The following RPS6KA6 variants were observed in gnomAD, a reference collection of about 807,000 sequenced individuals.
The protein encoded by RPS6KA6 is ribosomal protein S6 kinase A6, also known as ribosomal protein S6 kinase alpha-6.
In RPS6KA6, 27 loss-of-function variants were observed where a neutral mutation model predicts 65.4. That is an observed-to-expected ratio of 0.41 (90% CI 0.30 to 0.57). The LOEUF (loss-of-function observed/expected upper bound fraction) is 0.57. RPS6KA6 is among the 20% of genes least tolerant of loss of function. The probability of loss-of-function intolerance (pLI) is 0.24; values close to 1 mark genes in which losing one functional copy is unlikely to be tolerated. For synonymous variants in RPS6KA6, 190 were observed against 184.2 expected (o/e 1.03, Z -0.26); for missense variants, 486 against 555.6 (o/e 0.87, Z 1.26).
In RPS6KA6 at chrX:84,063,970, GA is replaced by G. The variant is rs914382674; in HGVS notation, c.*306del. 16 of 180,726 alleles carry G rather than the reference GA, an allele frequency of 8.9e-5. No individual in the cohort carries two copies. The highest frequency in any genetic ancestry group is 1.3e-4 in the Non-Finnish European group (13 of 98,403). 14.9% of individuals were successfully genotyped at this position (180,726 alleles called of 1,213,427 possible). On this transcript the variant is annotated 3_prime_UTR_variant, in exon 22 of 22. Coordinates refer to ENST00000262752, the MANE Select transcript of RPS6KA6 (RefSeq NM_014496.5). ...CCCAAACCATAATTGTATGAAACAA[GA>G]AAAAAAATATTAAAGTAACTTTATT...
Position 84,135,109 on chromosome X carries a change from T to C in RPS6KA6, c.603A>G (p.Pro201=). Reference sequence around the variant, plus strand: ...ACAAAAGAATACAGCTTTACTTTTCTGGCTTCAGGTCTCTATAAACAATTC... The same window carrying C: ...ACAAAAGAATACAGCTTTACTTTTCCGGCTTCAGGTCTCTATAAACAATTC... ...QLGIVYRDLK[P]ENILLDEIGH... is the part of the protein sequence containing the mutation. Residue 201 remains proline, a synonymous_variant, in exon 7 of 22, where the codon CCA becomes CCG. Transcript: ENST00000262752. The C allele has an allele frequency of 8.4e-7, 1 of 1,187,720 alleles. No homozygotes were observed. Among genetic ancestry groups the C allele is most frequent in the East Asian group, 3.0e-5 (1 of 33,550 alleles).
chrX:84,120,694 T>C (rs2034655728), intron 8 of RPS6KA6, among the ~76,000 whole-genome samples: 1 of 111,792 alleles, frequency 8.9e-6, no homozygotes, highest in Non-Finnish European at 1.9e-5. Flanking sequence ...ACCATGTTCA[T>C]GAATTGGACG....
At chrX:84,139,927 G>A (rs775817845) in intron 6 of RPS6KA6, among the ~76,000 whole-genome samples, 3 of 111,862 alleles carry the variant, frequency 2.7e-5, no homozygotes, top group Non-Finnish European at 1.9e-5. Context: ...GCTAAGTCAG[G>A]TGGAGCCTGA....
chrX:84,091,991 T>C (rs1376982388), intron 20 of RPS6KA6, among the ~76,000 whole-genome samples: 1 of 110,568 alleles, frequency 9.0e-6, no homozygotes, highest in Admixed American at 9.7e-5. Flanking sequence ...TGAGAACACA[T>C]GGACACAGGG....
chrX:84,157,745 A>G (rs958412285), intron 2 of RPS6KA6, among the ~76,000 whole-genome samples: 19 of 111,035 alleles, frequency 1.7e-4, no homozygotes, highest in Non-Finnish European at 3.2e-4. Flanking sequence ...TTAGATTATC[A>G]CTATAAGTAT....
At position 84,091,061 on chromosome X, in the gene RPS6KA6, T is replaced by G. The variant is rs746137061; in HGVS notation, c.1971+5133A>C. The stretch of plus-strand genomic sequence containing the variant: ...CTCTGCCACTCATTAATGTGTAAGT[T>G]AAATTCTATATGCCTTGGTTTATTT... On this transcript the variant is annotated intron_variant, in intron 20 of 21. Transcript: ENST00000262752. Among the ~76,000 whole-genome samples, 13 of 112,149 alleles carry G rather than the reference T, an allele frequency of 1.2e-4. 1 individual carries two copies. Among genetic ancestry groups the G allele is most frequent in the Non-Finnish European group, 2.3e-4 (12 of 53,209 alleles).
chrX:84,178,082 C>T (rs1159876678), intron 1 of RPS6KA6, among the ~76,000 whole-genome samples: 1 of 111,795 alleles, frequency 8.9e-6, no homozygotes, highest in African/African-American at 3.3e-5. Flanking sequence ...CATAAGCCAC[C>T]GTGCCAAGCC....
chrX:84,078,390 T>A (rs2033706072), intron 20 of RPS6KA6, among the ~76,000 whole-genome samples: 1 of 111,521 alleles, frequency 9.0e-6, no homozygotes, highest in Non-Finnish European at 1.9e-5. Context: ...GTAAAACAAT[T>A]GAGTGGTTTC....
chrX:84,123,994 T>G (rs1298406818), intron 8 of RPS6KA6, among the ~76,000 whole-genome samples: 1 of 111,001 alleles, frequency 9.0e-6, no homozygotes, highest in Non-Finnish European at 1.9e-5. Context: ...AGCACAGAGA[T>G]AGACTCCATT....
At chrX:84,163,238 T>C (rs992156439) in intron 2 of RPS6KA6, among the ~76,000 whole-genome samples, 1 of 112,395 alleles carries the variant, frequency 8.9e-6, no homozygotes, top group African/African-American at 3.2e-5. Flanking sequence ...ATTCTGCTAC[T>C]AGCTACTTTT....
chrX:84,132,284 G>A (rs965285854), intron 8 of RPS6KA6, among the ~76,000 whole-genome samples: 2 of 110,451 alleles, frequency 1.8e-5, no homozygotes, highest in African/African-American at 6.6e-5. Flanking sequence ...GCTGGGTGTG[G>A]TGGCATGTTC....
At chrX:84,065,744 A>G (rs1472238097) in intron 20 of RPS6KA6, among the ~76,000 whole-genome samples, 5 of 112,254 alleles carry the variant, frequency 4.5e-5, no homozygotes, top group Non-Finnish European at 9.4e-5. Flanking sequence ...AAGAGATGTA[A>G]TACTTTTAAA....
At chrX:84,094,308 GAAAAAAA>G (rs144397619) in intron 20 of RPS6KA6, among the ~76,000 whole-genome samples, 3 of 68,515 alleles carry the variant, frequency 4.4e-5, no homozygotes, top group African/African-American at 1.1e-4. Context: ...GCCTTAAAGG[GAAAAAAA>G]AAAAAAAAAA....
chrX:84,091,413 G>A (rs868023071), intron 20 of RPS6KA6, among the ~76,000 whole-genome samples: 10 of 112,318 alleles, frequency 8.9e-5, no homozygotes, highest in African/African-American at 2.9e-4. Context: ...GTTATTTAAG[G>A]CTTCCTAAGT....
At chrX:84,087,035 GTC>G (rs928384915) in intron 20 of RPS6KA6, among the ~76,000 whole-genome samples, 7 of 110,724 alleles carry the variant, frequency 6.3e-5, no homozygotes, top group Non-Finnish European at 1.3e-4. Flanking sequence ...TTTATTCTGC[GTC>G]TCTGTGTGTC....
At chrX:84,147,108 T>C in intron 4 of RPS6KA6, 50 bp from the exon 5 acceptor site, 1 of 678,895 alleles carries the variant, frequency 1.5e-6, no homozygotes. Context: ...ATCATTTCAG[T>C]TAAGAGTCCA....
In RPS6KA6 at chrX:84,058,638, T is replaced by C. The variant is rs1403307012; in HGVS notation, c.*5639A>G. 9.0e-6 allele frequency: 1 copy of C among 111,717 alleles called. No homozygotes were observed. Among genetic ancestry groups the C allele is most frequent in the Non-Finnish European group, 1.9e-5 (1 of 53,158 alleles). 9.2% of individuals were successfully genotyped at this position (111,717 alleles called of 1,213,427 possible). ...ACCAATGGTTTAAAGAAAACATTAA[T>C]AAAATAAATGGTAACATAAAATTCA... On this transcript the variant is annotated 3_prime_UTR_variant, in exon 22 of 22. Transcript: ENST00000262752.
chrX:84,097,739 C>A, intron 19 of RPS6KA6, 33 bp downstream of exon 19: 1 of 907,512 alleles, frequency 1.1e-6, no homozygotes, highest in Non-Finnish European at 1.6e-6. Flanking sequence ...ATTCAAATAA[C>A]AATGTTAATG....
At chrX:84,072,480 G>T (rs1297584754) in intron 20 of RPS6KA6, among the ~76,000 whole-genome samples, 2 of 111,620 alleles carry the variant, frequency 1.8e-5, no homozygotes, top group Non-Finnish European at 3.8e-5. Context: ...AGCTTTTCCT[G>T]TATGATATGG....
Sources: gnomAD v4.1 joint callset for allele counts (sites outside exome capture counted in the v4.1 genomes callset) on GRCh38, gnomAD v4.1.1 for gene constraint, MANE v1.5 for transcripts, NCBI Gene and HGNC (gene_info 2026-07-23, HGNC 2026-07-21) for gene names.